CSPP1: variants seen among roughly 807,000 people sequenced by gnomAD.
CSPP1 encodes the protein centrosome and spindle pole-associated protein 1.
CSPP1 carries 126 observed loss-of-function variants against 164.4 expected under a neutral mutation model. The observed-to-expected ratio is 0.77, with a 90% CI of 0.66 to 0.89. CSPP1 has a LOEUF of 0.89. Ranked by LOEUF, CSPP1 falls within the 40% of genes least tolerant of loss-of-function variation. The pLI is 0.00. For synonymous variants in CSPP1, 472 were observed against 476.7 expected (o/e 0.99, Z 0.13); for missense variants, 1,395 against 1,449.8 (o/e 0.96, Z 0.61).
intron 19 of CSPP1, 27 bp from the exon 20 acceptor site, chr8:67,158,420 G>T: frequency 1.3e-6 from 2 of 1,537,902 alleles, no homozygotes; most frequent in Non-Finnish European, 1.8e-6. Context: ...AGTTTTACAA[G>T]ATAAATAACT....
At chr8:67,129,204 A>T (rs952555520) in intron 15 of CSPP1, among the ~76,000 whole-genome samples, 1 of 152,174 alleles carries the variant, frequency 6.6e-6, no homozygotes, top group Non-Finnish European at 1.5e-5. Flanking sequence ...TGAAAAACTT[A>T]CATCATGTAT....
In CSPP1 at chr8:67,122,710, T is replaced by C. The variant is rs190034787; in HGVS notation, c.1697+3889T>C. Reference sequence around the variant, plus strand: ...TTTGAGAAGAATGTGTATTGTCCTGTTGGTGAGTGTATTATTCTATAAGTG... The same window carrying C: ...TTTGAGAAGAATGTGTATTGTCCTGCTGGTGAGTGTATTATTCTATAAGTG... On this transcript the variant is annotated intron_variant, in intron 15 of 30. Transcript: ENST00000678616. Among the ~76,000 whole-genome samples, 9 of 152,306 alleles carry C rather than the reference T, an allele frequency of 5.9e-5. No individual in the cohort carries two copies. In the South Asian group the frequency reaches 1.5e-3, roughly 25 times the overall value.
chr8:67,191,782 G>A (rs1836328666), intron 29 of CSPP1, among the ~76,000 whole-genome samples: 1 of 152,184 alleles, frequency 6.6e-6, no homozygotes, highest in African/African-American at 2.4e-5. Flanking sequence ...GAAGGAAATT[G>A]TTGGGTTATA....
chr8:67,159,834 C>CT (rs1172983509), intron 21 of CSPP1, among the ~76,000 whole-genome samples: 2 of 127,304 alleles, frequency 1.6e-5, no homozygotes, highest in African/African-American at 7.5e-5. Context: ...CTCTCTCTTT[C>CT]TTTCTTTCTT....
At chr8:67,065,404 C>T (rs780300961) in intron 1 of CSPP1, 2 of 224,590 alleles carry the variant, frequency 8.9e-6, no homozygotes, top group Non-Finnish European at 1.5e-5. Flanking sequence ...AAACCATCAC[C>T]TACTTTCCAA....
At chr8:67,100,603 A>C (rs780524761) in intron 7 of CSPP1, among the ~76,000 whole-genome samples, 4 of 150,562 alleles carry the variant, frequency 2.7e-5, no homozygotes, top group Non-Finnish European at 5.9e-5. Flanking sequence ...TTTTTGAGAC[A>C]GGGTCTTACT....
chr8:67,169,733 C>T (rs1830123327), intron 24 of CSPP1, among the ~76,000 whole-genome samples: 1 of 151,936 alleles, frequency 6.6e-6, no homozygotes, highest in Non-Finnish European at 1.5e-5. Flanking sequence ...AGCCACCGTG[C>T]CCGGCCAGTA....
intron 8 of CSPP1, 111 bp downstream of exon 8, chr8:67,103,246 C>A: frequency 1.6e-6 from 1 of 621,706 alleles, no homozygotes; most frequent in Non-Finnish European, 2.8e-6. Context: ...AACAGCCTTC[C>A]TTCTTAGTGA....
intron 28 of CSPP1, among the ~76,000 whole-genome samples, chr8:67,184,678 C>T (rs544065817): frequency 7.3e-5 from 11 of 151,474 alleles, no homozygotes; most frequent in South Asian, 2.1e-4. Context: ...GAGCTGAAAT[C>T]GTGCCACTGC....
intron 4 of CSPP1, chr8:67,086,793 T>C: frequency 7.6e-7 from 1 of 1,320,018 alleles, no homozygotes; most frequent in South Asian, 1.2e-5. Flanking sequence ...TTAATACACT[T>C]TGTCAATGGT....
chr8:67,161,930 T>C lies in CSPP1; in HGVS notation c.2643+15T>C. 6.7e-7 allele frequency: 1 copy of C among 1,501,930 alleles called. No individual in the cohort carries two copies. The highest frequency in any genetic ancestry group is 9.3e-7 in the Non-Finnish European group (1 of 1,079,570). 93.0% of individuals were successfully genotyped at this position (1,501,930 alleles called of 1,614,324 possible). ...CCTTTATTCATGTATGTACTTTTGTTTTTATTTGTTCATCCTAGCTCAGTT... is the reference window on the plus strand; with the variant it reads ...CCTTTATTCATGTATGTACTTTTGTCTTTATTTGTTCATCCTAGCTCAGTT... On this transcript the variant is annotated intron_variant, in intron 22 of 30. Coordinates refer to ENST00000678616, the MANE Select transcript of CSPP1 (RefSeq NM_001382391.1).
intron 5 of CSPP1, 56 bp from the exon 6 acceptor site, chr8:67,093,487 G>A (rs1812052491): frequency 2.8e-6 from 3 of 1,066,592 alleles, no homozygotes; most frequent in East Asian, 2.4e-5. Flanking sequence ...GGACATTGAG[G>A]GATTTTTTTT....
At chr8:67,078,059 G>GAAAAAAAAA (rs1467808955) in intron 3 of CSPP1, among the ~76,000 whole-genome samples, 4 of 151,908 alleles carry the variant, frequency 2.6e-5, no homozygotes, top group Non-Finnish European at 4.4e-5. Context: ...ACGTTTTTAT[G>GAAAAAAAAA]AATCTAAATT....
intron 12 of CSPP1, 51 bp from the exon 13 acceptor site, chr8:67,115,863 C>G: frequency 6.8e-7 from 1 of 1,471,332 alleles, no homozygotes; most frequent in Non-Finnish European, 9.5e-7. Flanking sequence ...TCCCTTCCAC[C>G]TTTAAACTTA....
At chr8:67,157,297 GTTC>G (rs1001908816) in intron 19 of CSPP1, among the ~76,000 whole-genome samples, 4 of 151,758 alleles carry the variant, frequency 2.6e-5, no homozygotes, top group Admixed American at 1.3e-4. Flanking sequence ...GAAGATTAAA[GTTC>G]TTTTTTTTTT....
In CSPP1 at chr8:67,131,991, C is replaced by G. The variant is rs1372740247; in HGVS notation, c.1738C>G (p.Gln580Glu). ...GQNELKITSD[Q>E]VINSGLIFED... ...GAATGAACTGAAGATTACAAGTGAT[C>G]AAGTGATAAATTCAGGATTGATTTT... Residue 580 changes from glutamine (Q) to glutamate (E), a missense_variant, in exon 16 of 31, where the codon CAA becomes GAA. Coordinates refer to ENST00000678616, the MANE Select transcript of CSPP1 (RefSeq NM_001382391.1). 1 of 1,612,984 alleles carries G rather than the reference C, an allele frequency of 6.2e-7. No individual in the cohort carries two copies. The highest frequency in any genetic ancestry group is 8.5e-7 in the Non-Finnish European group (1 of 1,179,226).
At position 67,111,963 on chromosome 8, in the gene CSPP1, A is replaced by C; in HGVS notation, c.1094-9A>C. On this transcript the variant is annotated splice_polypyrimidine_tract_variant and intron_variant, in intron 9 of 30. Transcript: ENST00000678616. ...GTTAAGATTGTATTTTTCTCATACC[A>C]CTATCTAGGAGGTGAAGATCGAGAA... 6.4e-7 allele frequency: 1 copy of C among 1,560,164 alleles called. No individual in the cohort carries two copies. Among genetic ancestry groups the C allele is most frequent in the Non-Finnish European group, 8.8e-7 (1 of 1,138,098 alleles).
chr8:67,180,415 T>A (rs1275303220), intron 28 of CSPP1, among the ~76,000 whole-genome samples: 1 of 152,186 alleles, frequency 6.6e-6, no homozygotes, highest in East Asian at 1.9e-4. Flanking sequence ...AACAGATTAG[T>A]GGTTGCCAGG....
At chr8:67,070,622 G>A (rs956218385) in intron 1 of CSPP1, among the ~76,000 whole-genome samples, 3 of 151,714 alleles carry the variant, frequency 2.0e-5, no homozygotes, top group Non-Finnish European at 2.9e-5. Context: ...GCAGCAGAGC[G>A]AGACCTCATC....
Sources: allele counts gnomAD v4.1 joint callset (sites outside exome capture counted in the v4.1 genomes callset), GRCh38; gene constraint gnomAD v4.1.1; transcripts MANE v1.5; gene names NCBI Gene and HGNC (gene_info 2026-07-23, HGNC 2026-07-21).